Variants in ST7L observed in about 807,000 individuals in gnomAD.
ST7L encodes the protein suppression of tumorigenicity 7 like, also known as suppressor of tumorigenicity 7 protein-like.
A neutral mutation model predicts 72.5 loss-of-function variants in ST7L; 57 were observed. The observed-to-expected ratio is 0.79, with a 90% confidence interval of 0.64 to 0.98. The LOEUF (loss-of-function observed/expected upper bound fraction) is 0.98, where lower values mean the gene tolerates loss of function less well. ST7L is among the 50% of genes least tolerant of loss of function. The pLI, the probability that ST7L is intolerant of heterozygous loss-of-function variation, is 0.00. For missense variants in ST7L, 576 were observed against 672.2 expected (o/e 0.86, Z 1.58); for synonymous variants, 221 against 240.9 (o/e 0.92, Z 0.77).
intron 11 of ST7L, among the ~76,000 whole-genome samples, chr1:112,566,012 A>AG (rs34412446): frequency 0.19 from 29,000 of 150,810 alleles, 3,117 homozygotes; most frequent in Middle Eastern, 0.26. Flanking sequence ...CTCTGTCTCA[A>AG]GAAAAAAAAA....
intron 3 of ST7L, chr1:112,610,587 C>T (rs1668923307): frequency 5.2e-6 from 2 of 385,900 alleles, no homozygotes; most frequent in Non-Finnish European, 9.1e-6. Flanking sequence ...TCGTGGTGTC[C>T]TCCCACGGTA....
At chr1:112,616,524 C>G (rs1025914055) in intron 2 of ST7L, among the ~76,000 whole-genome samples, 4 of 152,176 alleles carry the variant, frequency 2.6e-5, no homozygotes, top group African/African-American at 9.7e-5. Flanking sequence ...AGGCGGATCA[C>G]CTGAGGTCAG....
At chr1:112,611,969 CAAAAAAAAAA>C (rs146893029) in intron 2 of ST7L, among the ~76,000 whole-genome samples, 1 of 71,566 alleles carries the variant, frequency 1.4e-5, no homozygotes. Context: ...GACCCTGTCT[CAAAAAAAAAA>C]AAAAAAAAAA....
At chr1:112,546,488 A>T (rs1041438730) in intron 13 of ST7L, among the ~76,000 whole-genome samples, 1 of 152,158 alleles carries the variant, frequency 6.6e-6, no homozygotes, top group African/African-American at 2.4e-5. Context: ...AAGATGTAAG[A>T]ATGAAGTGGA....
At chr1:112,600,020 C>T (rs1044716695) in intron 4 of ST7L, among the ~76,000 whole-genome samples, 1 of 152,080 alleles carries the variant, frequency 6.6e-6, no homozygotes, top group Admixed American at 6.6e-5. Flanking sequence ...ACCTTGGCAA[C>T]ATAGCAAGAC....
chr1:112,600,889 T>TA (rs1219702467), intron 3 of ST7L, 41 bp from the exon 4 acceptor site: 2 of 1,559,944 alleles, frequency 1.3e-6, no homozygotes, highest in Non-Finnish European at 1.8e-6. Flanking sequence ...AGAGACACTT[T>TA]AAAATCTTCA....
At chr1:112,529,854 C>T (rs1177971083) in intron 14 of ST7L, 2 of 150,936 alleles carry the variant, frequency 1.3e-5, no homozygotes, top group African/African-American at 4.9e-5. Context: ...GGTTTACTTA[C>T]ATCTTTTTTC....
chr1:112,522,472 T>C (rs1349837238), downstream of ST7L: 2 of 152,258 alleles, frequency 1.3e-5, no homozygotes, highest in African/African-American at 4.8e-5. Context: ...AGTCTGTAGA[T>C]TAAGGAGCCT....
rs12069022 is a variant in ST7L at position 112,526,029 on chromosome 1, C to T, written c.1712G>A (p.Gly571Asp). Residue 571 changes from glycine to aspartate, a missense_variant, in exon 15 of 15, where the codon GGT becomes GAT. Around this residue, in one of 3 missense-constraint regions of ST7L, gnomAD observed 511 missense variants for 600.7 expected, o/e 0.85. Coordinates refer to ENST00000358039, the MANE Select transcript of ST7L (RefSeq NM_017744.5). ...NTQDLKSEDL[G>D]LSSG The stretch of plus-strand genomic sequence containing the variant: ...GTGCGTGGCTCAGCCAGAACTCAAA[C>T]CTAGGTCTTCTGACTTCAAATCCTG... 9,090 of 1,614,136 alleles carry T rather than the reference C, an allele frequency of 5.6e-3. 458 individuals are homozygous for T. In the African/African-American group the frequency reaches 0.11, roughly 19 times the overall value.
chr1:112,593,737 T>C, intron 5 of ST7L, among the ~76,000 whole-genome samples: 1 of 152,178 alleles, frequency 6.6e-6, no homozygotes, highest in East Asian at 1.9e-4. Flanking sequence ...GGTGGGCCCT[T>C]CTGGATAAGT....
intron 11 of ST7L, among the ~76,000 whole-genome samples, chr1:112,564,808 A>G (rs1290942788): frequency 7.4e-6 from 1 of 135,712 alleles, no homozygotes. Flanking sequence ...CAAGAGCAAA[A>G]CTGCATCTCA....
intron 6 of ST7L, among the ~76,000 whole-genome samples, chr1:112,586,042 A>G (rs571619981): frequency 6.6e-6 from 1 of 152,320 alleles, no homozygotes; most frequent in East Asian, 1.9e-4. Flanking sequence ...AGAAGACCCT[A>G]TAATACATAA....
intron 2 of ST7L, among the ~76,000 whole-genome samples, chr1:112,615,056 G>C (rs1292108246): frequency 6.6e-6 from 1 of 152,132 alleles, no homozygotes; most frequent in Non-Finnish European, 1.5e-5. Flanking sequence ...TTAGAGTGCA[G>C]TGGCACCATC....
intron 11 of ST7L, among the ~76,000 whole-genome samples, chr1:112,575,572 G>A (rs186024070): frequency 6.6e-6 from 1 of 152,292 alleles, no homozygotes; most frequent in East Asian, 1.9e-4. Flanking sequence ...TAATGGGCGG[G>A]TAGCATAGAC....
At chr1:112,557,463 G>A (rs1158351297) in intron 11 of ST7L, among the ~76,000 whole-genome samples, 2 of 152,102 alleles carry the variant, frequency 1.3e-5, no homozygotes, top group African/African-American at 4.8e-5. Context: ...TGTACATATG[G>A]TATATATGTT....
chr1:112,574,962 G>C (rs537454256), intron 11 of ST7L, among the ~76,000 whole-genome samples: 2 of 152,156 alleles, frequency 1.3e-5, no homozygotes, highest in Non-Finnish European at 2.9e-5. Context: ...TACAAGGCTG[G>C]GCGCGGTGGC....
At chr1:112,542,215 T>C (rs1656217904) in intron 13 of ST7L, 125 bp from the exon 14 acceptor site, 1 of 962,698 alleles carries the variant, frequency 1.0e-6, no homozygotes. Flanking sequence ...GGAAAGTCTC[T>C]GGCTAAGCAA....
chr1:112,539,668 A>AAG (rs1655787013), intron 14 of ST7L: 24 of 960,534 alleles, frequency 2.5e-5, no homozygotes, highest in Non-Finnish European at 2.9e-5. Context: ...AAAAAAAAAA[A>AAG]AAAAAGAAAA....
At chr1:112,606,614 C>T (rs1020981572) in intron 3 of ST7L, among the ~76,000 whole-genome samples, 3 of 152,200 alleles carry the variant, frequency 2.0e-5, no homozygotes, top group African/African-American at 7.2e-5. Flanking sequence ...AGTGGCACCC[C>T]ACTTCTTCGT....
Sources: gnomAD v4.1 joint callset for allele counts (sites outside exome capture counted in the v4.1 genomes callset) on GRCh38, gnomAD v4.1.1 for gene constraint, gnomAD v4.1.1 regional missense constraint, MANE v1.5 for transcripts, NCBI Gene and HGNC (gene_info 2026-07-23, HGNC 2026-07-21) for gene names.